RBFOX1: variants seen among roughly 807,000 people sequenced by gnomAD.
RBFOX1 encodes RNA binding protein fox-1 homolog 1.
Under a neutral mutation model 57.7 loss-of-function variants are expected in RBFOX1, and 8 were observed. The ratio of observed to expected loss-of-function variants is 0.14; its 90% CI spans 0.08 to 0.25. RBFOX1 has a LOEUF of 0.25. Ranked by LOEUF, RBFOX1 falls within the 10% of genes least tolerant of loss-of-function variation. The probability of loss-of-function intolerance (pLI) is 1.00; values close to 1 mark genes in which losing one functional copy is unlikely to be tolerated. For synonymous variants in RBFOX1, 326 were observed against 222.4 expected, an observed-to-expected ratio of 1.47 and a Z score of -4.15; for missense variants, 611 against 548.5, an observed-to-expected ratio of 1.11 and a Z score of -1.14.
chr16:7,255,440 A>G (rs1371089751), intron 4 of RBFOX1, among the ~76,000 whole-genome samples: 1 of 152,250 alleles, frequency 6.6e-6, no homozygotes, highest in East Asian at 1.9e-4. Flanking sequence ...TATCCACATA[A>G]TGCAACATTA....
intron 5 of RBFOX1, among the ~76,000 whole-genome samples, chr16:7,547,022 C>A (rs565870874): frequency 2.6e-4 from 40 of 152,284 alleles, no homozygotes; most frequent in African/African-American, 9.4e-4. Context: ...TAAACTCCCA[C>A]CAAGACTGCA....
chr16:5,782,750 C>T (rs1273038891), intron 3 of RBFOX1, among the ~76,000 whole-genome samples: 1 of 152,166 alleles, frequency 6.6e-6, no homozygotes, highest in Non-Finnish European at 1.5e-5. Context: ...AACCAGCAAT[C>T]TGGAGACTCA....
intron 2 of RBFOX1, among the ~76,000 whole-genome samples, chr16:6,617,628 G>A (rs540475286): frequency 9.2e-5 from 14 of 152,232 alleles, no homozygotes; most frequent in East Asian, 3.9e-4. Context: ...TGCTTTGCAT[G>A]TGTTCCAGGT....
intron 2 of RBFOX1, among the ~76,000 whole-genome samples, chr16:6,405,053 AAC>A (rs1371355884): frequency 6.6e-6 from 1 of 152,228 alleles, no homozygotes; most frequent in Non-Finnish European, 1.5e-5. Flanking sequence ...ATGCCTGCAT[AAC>A]ACAATGATCA....
chr16:7,580,005 A>AT, intron 6 of RBFOX1, 85 bp downstream of exon 6: 1 of 1,443,190 alleles, frequency 6.9e-7, no homozygotes, highest in South Asian at 1.2e-5. Context: ...GGTATTTACA[A>AT]TACTAAGGTT....
chr16:6,407,070 G>A (rs1470991622), intron 2 of RBFOX1, among the ~76,000 whole-genome samples: 1 of 152,116 alleles, frequency 6.6e-6, no homozygotes, highest in Non-Finnish European at 1.5e-5. Flanking sequence ...ATGGTGTTAC[G>A]GTTGAATATC....
chr16:7,405,586 A>G (rs1208067552), intron 4 of RBFOX1, among the ~76,000 whole-genome samples: 3 of 152,154 alleles, frequency 2.0e-5, no homozygotes, highest in Non-Finnish European at 4.4e-5. Flanking sequence ...ATTTCAAATA[A>G]ACACATTTTT....
chr16:7,087,310 C>T (rs2060139699), intron 4 of RBFOX1, among the ~76,000 whole-genome samples: 1 of 152,114 alleles, frequency 6.6e-6, no homozygotes, highest in African/African-American at 2.4e-5. Context: ...CTGTAAATTC[C>T]ACCAGTGGGG....
At chr16:6,937,270 T>G (rs1178280282) in intron 3 of RBFOX1, among the ~76,000 whole-genome samples, 1 of 152,122 alleles carries the variant, frequency 6.6e-6, no homozygotes, top group Non-Finnish European at 1.5e-5. Context: ...AATTGCCAAC[T>G]CACGACCAAC....
At chr16:6,664,674 T>A (rs549457083) in intron 3 of RBFOX1, among the ~76,000 whole-genome samples, 1 of 152,218 alleles carries the variant, frequency 6.6e-6, no homozygotes, top group African/African-American at 2.4e-5. Context: ...ATCCAGTGTC[T>A]GAAATTGCGT....
chr16:6,258,543 G>A (rs917330970), intron 1 of RBFOX1, among the ~76,000 whole-genome samples: 2 of 152,148 alleles, frequency 1.3e-5, no homozygotes, highest in Non-Finnish European at 2.9e-5. Flanking sequence ...AACCTTCAGT[G>A]GCTCCCTATT....
At chr16:6,750,201 C>T (rs993817985) in intron 3 of RBFOX1, among the ~76,000 whole-genome samples, 7 of 152,098 alleles carry the variant, frequency 4.6e-5, no homozygotes, top group Non-Finnish European at 1.0e-4. Context: ...AATAGCAAAA[C>T]CTATTGAATT....
intron 3 of RBFOX1, among the ~76,000 whole-genome samples, chr16:6,824,543 A>G (rs1184777909): frequency 6.6e-6 from 1 of 151,722 alleles, no homozygotes; most frequent in Non-Finnish European, 1.5e-5. Flanking sequence ...TATATCTCCT[A>G]TTTTTCTTAA....
intron 4 of RBFOX1, among the ~76,000 whole-genome samples, chr16:7,497,183 T>G (rs1364172339): frequency 6.6e-6 from 1 of 152,332 alleles, no homozygotes; most frequent in East Asian, 1.9e-4. Context: ...CTACTTTATG[T>G]GTCATTTTCT....
At chr16:6,705,720 T>C (rs1208161968) in intron 3 of RBFOX1, among the ~76,000 whole-genome samples, 1 of 152,090 alleles carries the variant, frequency 6.6e-6, no homozygotes, top group Non-Finnish European at 1.5e-5. Context: ...TAAAGAGGGA[T>C]AAAATTATAA....
At position 5,947,878 on chromosome 16, in the gene RBFOX1, G is replaced by A. The variant is rs1010061268; in HGVS notation, c.351+80543G>A. ...TGTAATTACCGGGCCACCCGTAACG[G>A]GAGTTTATGTAATTATTAGTTTGAA... On this transcript the variant is annotated intron_variant, in intron 4 of 19. Transcript: ENST00000641259. The surrounding 1 kb of genome is among the most constrained non-coding windows in gnomAD (Gnocchi z 7.2). Among the ~76,000 whole-genome samples, 4 of 152,182 alleles carry A rather than the reference G, an allele frequency of 2.6e-5. No homozygotes were observed. The highest frequency in any genetic ancestry group is 9.7e-5 in the African/African-American group (4 of 41,430).
At chr16:5,968,979 G>A (rs1284757217) in intron 4 of RBFOX1, among the ~76,000 whole-genome samples, 1 of 151,630 alleles carries the variant, frequency 6.6e-6, no homozygotes, top group Non-Finnish European at 1.5e-5. Flanking sequence ...TTCTCTTTTA[G>A]TTTTCATATT....
chr16:6,238,246 C>T (rs917509798), intron 1 of RBFOX1, among the ~76,000 whole-genome samples: 5 of 152,002 alleles, frequency 3.3e-5, no homozygotes, highest in Non-Finnish European at 7.4e-5. Context: ...TACAGTATGG[C>T]CAGGCATATT....
At chr16:5,360,030 A>AT (rs1198873711) in intron 1 of RBFOX1, among the ~76,000 whole-genome samples, 2 of 152,238 alleles carry the variant, frequency 1.3e-5, no homozygotes, top group East Asian at 1.9e-4. Context: ...ATGTCCTCTC[A>AT]TGAGCATTTG....
Sources: allele counts gnomAD v4.1 joint callset (sites outside exome capture counted in the v4.1 genomes callset), GRCh38; gene constraint gnomAD v4.1.1; non-coding constraint Gnocchi (gnomAD v3.1); transcripts MANE v1.5; gene names NCBI Gene and HGNC (gene_info 2026-07-23, HGNC 2026-07-21).